The following NPAS2 variants were observed in gnomAD, a reference collection of about 807,000 sequenced individuals.
NPAS2 encodes neuronal PAS domain protein 2, also known as neuronal PAS domain-containing protein 2.
A neutral mutation model predicts 107.5 loss-of-function variants in NPAS2; 23 were observed. The ratio of observed to expected loss-of-function variants is 0.21; its 90% confidence interval spans 0.15 to 0.30. The LOEUF is 0.30. Ranked by LOEUF, NPAS2 falls within the 10% of genes least tolerant of loss-of-function variation. The probability of loss-of-function intolerance (pLI) is 1.00; values close to 1 mark genes in which losing one functional copy is unlikely to be tolerated. For missense variants in NPAS2, 756 were observed against 1,043.3 expected, an observed-to-expected ratio of 0.72 and a Z score of 3.79; for synonymous variants, 403 against 417.5, an observed-to-expected ratio of 0.97 and a Z score of 0.42.
rs544083564 is a variant in NPAS2 at position 100,861,183 on chromosome 2, G to A, written c.-23+40769G>A. ...TGCCTGGCCCAGCCTGGCTCTTTTC[G>A]AGAAGAGTGAGGCACTGAAGGGTTC... On this transcript the variant is annotated intron_variant, in intron 1 of 20. Transcript: ENST00000335681. 3.9e-5 allele frequency among the ~76,000 whole-genome samples: 6 copies of A among 152,152 alleles called. No homozygotes were observed. In the East Asian group the frequency reaches 7.7e-4, roughly 20 times the overall value.
At chr2:100,880,027 G>A (rs777362450) in intron 1 of NPAS2, among the ~76,000 whole-genome samples, 1 of 152,204 alleles carries the variant, frequency 6.6e-6, no homozygotes, top group African/African-American at 2.4e-5. Flanking sequence ...GGACCTCTGG[G>A]GGGGACAAGA....
chr2:100,911,338 A>G (rs1432315028), intron 2 of NPAS2, among the ~76,000 whole-genome samples: 3 of 152,232 alleles, frequency 2.0e-5, no homozygotes, highest in Non-Finnish European at 2.9e-5. Context: ...TGTCATCTGT[A>G]TTCCCATTAT....
intron 15 of NPAS2, among the ~76,000 whole-genome samples, chr2:100,980,493 G>A (rs1201248599): frequency 2.6e-5 from 4 of 151,596 alleles, no homozygotes; most frequent in Middle Eastern, 3.4e-3. Flanking sequence ...TTTTTGAGAC[G>A]GGGTCTCACT....
chr2:100,945,496 A>G (rs1294658768), intron 5 of NPAS2, among the ~76,000 whole-genome samples: 1 of 152,156 alleles, frequency 6.6e-6, no homozygotes, highest in Non-Finnish European at 1.5e-5. Flanking sequence ...CTCTCCTTCC[A>G]GACTACAAGC....
Position 100,949,315 on chromosome 2 carries a change from C to T in NPAS2, c.485-52C>T, listed in dbSNP as rs1675085811. The stretch of plus-strand genomic sequence containing the variant: ...CACAGAGACGCTACTTGTTTAGAGT[C>T]TGTGCAATGCTCACGACCCCTTTCT... On this transcript the variant is annotated intron_variant, in intron 6 of 20. Coordinates refer to ENST00000335681, the MANE Select transcript of NPAS2 (RefSeq NM_002518.4). 5 of 1,005,764 alleles carry T rather than the reference C, an allele frequency of 5.0e-6. No homozygotes were observed. In the South Asian group the frequency reaches 6.4e-5, roughly 13 times the overall value. 62.3% of individuals were successfully genotyped at this position (1,005,764 alleles called of 1,614,324 possible). A position where few individuals can be genotyped will look rare whatever the true frequency, so the allele number is the denominator to read the frequency against.
chr2:100,834,148 C>A (rs2104383364), intron 1 of NPAS2, among the ~76,000 whole-genome samples: 1 of 152,300 alleles, frequency 6.6e-6, no homozygotes, highest in Admixed American at 6.5e-5. Flanking sequence ...GCTTCTCTTT[C>A]TCTGATGAGT....
chr2:100,994,692 C>T (rs563364990), intron 20 of NPAS2: 3 of 152,446 alleles, frequency 2.0e-5, no homozygotes, highest in South Asian at 4.2e-4. Context: ...TCAGAAGGCA[C>T]CCACTGCAGA....
chr2:100,909,551 A>G (rs1682394078), intron 2 of NPAS2, among the ~76,000 whole-genome samples: 1 of 152,224 alleles, frequency 6.6e-6, no homozygotes, highest in Non-Finnish European at 1.5e-5. Flanking sequence ...GCATGCAGGC[A>G]CAGTGCAGTG....
intron 5 of NPAS2, among the ~76,000 whole-genome samples, chr2:100,941,113 C>G (rs1306433737): frequency 6.6e-6 from 1 of 152,172 alleles, no homozygotes; most frequent in Non-Finnish European, 1.5e-5. Context: ...GGCTTCAAGT[C>G]TCTCTCTGTT....
At chr2:100,948,689 A>G (rs12712085) in intron 6 of NPAS2, among the ~76,000 whole-genome samples, 98,651 of 152,092 alleles carry the variant, frequency 0.65, 32,388 homozygotes, top group African/African-American at 0.75. Context: ...TCAGCTCATC[A>G]TGGAGGATAC....
At chr2:100,851,311 AT>A (rs1195257874) in intron 1 of NPAS2, among the ~76,000 whole-genome samples, 2 of 152,222 alleles carry the variant, frequency 1.3e-5, no homozygotes, top group Non-Finnish European at 2.9e-5. Flanking sequence ...TTTTACCACA[AT>A]TTTTAAAAAT....
At chr2:100,852,185 A>G (rs533526733) in intron 1 of NPAS2, among the ~76,000 whole-genome samples, 50 of 152,050 alleles carry the variant, frequency 3.3e-4, no homozygotes, top group Non-Finnish European at 6.5e-4. Context: ...TCACGAGGTC[A>G]GGAGATCAAG....
intron 1 of NPAS2, among the ~76,000 whole-genome samples, chr2:100,824,026 A>G (rs374107663): frequency 6.6e-6 from 1 of 152,178 alleles, no homozygotes; most frequent in East Asian, 1.9e-4. Context: ...AACAGTGCAA[A>G]TGATGCTTAC....
chr2:100,934,762 G>T (rs1042387816), intron 4 of NPAS2: 2 of 985,078 alleles, frequency 2.0e-6, no homozygotes, highest in Non-Finnish European at 2.4e-6. Flanking sequence ...GTGGTTGGGG[G>T]AGATGGGGAG....
chr2:100,989,307 G>A (rs1426148040), intron 17 of NPAS2: 1 of 152,578 alleles, frequency 6.6e-6, no homozygotes, highest in African/African-American at 2.4e-5. Flanking sequence ...CTGTAGTCCA[G>A]TAGAGAATCT....
chr2:100,824,467 G>A (rs1676254658), intron 1 of NPAS2, among the ~76,000 whole-genome samples: 1 of 152,186 alleles, frequency 6.6e-6, no homozygotes, highest in Admixed American at 6.5e-5. Flanking sequence ...GTAGTGGAGA[G>A]GACAAACACC....
intron 1 of NPAS2, among the ~76,000 whole-genome samples, chr2:100,827,199 C>A (rs1676443573): frequency 6.6e-6 from 1 of 152,116 alleles, no homozygotes; most frequent in East Asian, 1.9e-4. Flanking sequence ...ACCTTCCAGG[C>A]CTTTCTCAAT....
rs370543449 is a variant in NPAS2, at chr2:100,968,439, C to T, written c.1055+11C>T. 2.7e-5 allele frequency: 44 copies of T among 1,611,494 alleles called. No individual in the cohort carries two copies. Among genetic ancestry groups the T allele is most frequent in the Middle Eastern group, 1.6e-4 (1 of 6,076 alleles). ...ACACTCGGTGGTCAGGTACCGCGCACGGGCAGGGGTGCGGCTGCGTCCTTG... is the reference window on the plus strand; with the variant it reads ...ACACTCGGTGGTCAGGTACCGCGCATGGGCAGGGGTGCGGCTGCGTCCTTG... On this transcript the variant is annotated intron_variant, in intron 11 of 20. Coordinates refer to ENST00000335681, the MANE Select transcript of NPAS2 (RefSeq NM_002518.4). The surrounding 1 kb of genome is among the most constrained non-coding windows in gnomAD (Gnocchi z 5.3).
At chr2:100,850,952 TCAAAAAAAAA>T in intron 1 of NPAS2, among the ~76,000 whole-genome samples, 1 of 8,830 alleles carries the variant, frequency 1.1e-4, no homozygotes, top group African/African-American at 1.1e-3. Context: ...AAACTCTGTC[TCAAAAAAAAA>T]AAAAAAAAAA....
Sources: allele counts gnomAD v4.1 joint callset (sites outside exome capture counted in the v4.1 genomes callset), GRCh38; gene constraint gnomAD v4.1.1; non-coding constraint Gnocchi (gnomAD v3.1); transcripts MANE v1.5; gene names NCBI Gene and HGNC (gene_info 2026-07-23, HGNC 2026-07-21).